Variants in KCNQ3 observed in about 807,000 individuals in gnomAD.
The protein encoded by KCNQ3 is potassium voltage-gated channel subfamily KQT member 3.
KCNQ3 carries 30 observed loss-of-function variants against 92.5 expected under a neutral mutation model. That is an observed-to-expected ratio of 0.32 (90% CI 0.24 to 0.44). The LOEUF is 0.44. KCNQ3 is among the 20% of genes least tolerant of loss of function. The pLI, the probability that KCNQ3 is intolerant of heterozygous loss-of-function variation, is 1.00. For missense variants in KCNQ3, 913 were observed against 1,140.3 expected, an observed-to-expected ratio of 0.80 and a Z score of 2.87; for synonymous variants, 450 against 468.8, an observed-to-expected ratio of 0.96 and a Z score of 0.52.
chr8:132,220,532 T>A (rs1340822484), intron 1 of KCNQ3, among the ~76,000 whole-genome samples: 1 of 152,180 alleles, frequency 6.6e-6, no homozygotes, highest in East Asian at 1.9e-4. Flanking sequence ...GTGGATTGCC[T>A]GAGATCAGGA....
intron 1 of KCNQ3, among the ~76,000 whole-genome samples, chr8:132,269,444 T>C (rs977414250): frequency 1.6e-4 from 25 of 152,260 alleles, no homozygotes; most frequent in African/African-American, 5.8e-4. Flanking sequence ...TCTCTGGTTG[T>C]TTCAGCACCA....
At chr8:132,378,594 C>T (rs979451707) in intron 1 of KCNQ3, among the ~76,000 whole-genome samples, 2 of 152,206 alleles carry the variant, frequency 1.3e-5, no homozygotes, top group Non-Finnish European at 2.9e-5. Context: ...CACTTCCAAA[C>T]CATTCTCTTA....
At chr8:132,240,004 T>C (rs571492140) in intron 1 of KCNQ3, among the ~76,000 whole-genome samples, 1 of 152,282 alleles carries the variant, frequency 6.6e-6, no homozygotes, top group African/African-American at 2.4e-5. Context: ...CTACCTATTT[T>C]ATTACCCTGG....
At chr8:132,369,593 A>G (rs1819417525) in intron 1 of KCNQ3, among the ~76,000 whole-genome samples, 1 of 151,996 alleles carries the variant, frequency 6.6e-6, no homozygotes, top group South Asian at 2.1e-4. Context: ...ACACACACAC[A>G]CACACACACA....
intron 1 of KCNQ3, among the ~76,000 whole-genome samples, chr8:132,477,264 G>A (rs895403377): frequency 1.1e-4 from 16 of 151,878 alleles, no homozygotes; most frequent in Admixed American, 9.2e-4. Context: ...CAAGGTAAGG[G>A]TTTGATTGAT....
At chr8:132,458,054 G>A (rs1661631539) in intron 1 of KCNQ3, among the ~76,000 whole-genome samples, 1 of 152,070 alleles carries the variant, frequency 6.6e-6, no homozygotes, top group South Asian at 2.1e-4. Flanking sequence ...CCTCCTTATG[G>A]CAAACCCTCC....
intron 1 of KCNQ3, among the ~76,000 whole-genome samples, chr8:132,459,729 T>C (rs1822020257): frequency 6.6e-6 from 1 of 151,240 alleles, no homozygotes; most frequent in South Asian, 2.1e-4. Flanking sequence ...AAAGTTTTCT[T>C]TTTCTTGTTT....
intron 1 of KCNQ3, among the ~76,000 whole-genome samples, chr8:132,232,871 G>C (rs1440507224): frequency 6.6e-6 from 1 of 152,170 alleles, no homozygotes; most frequent in Non-Finnish European, 1.5e-5. Context: ...TCATAAAAAG[G>C]TCTCCATATC....
intron 1 of KCNQ3, among the ~76,000 whole-genome samples, chr8:132,304,971 A>C (rs1817372545): frequency 6.6e-6 from 1 of 152,136 alleles, no homozygotes; most frequent in South Asian, 2.1e-4. Flanking sequence ...GGAAGGGAGA[A>C]AGGCAGGCAG....
intron 1 of KCNQ3, 130 bp downstream of exon 1, chr8:132,480,017 G>C (rs189924566): frequency 6.1e-6 from 5 of 815,576 alleles, no homozygotes; most frequent in Non-Finnish European, 9.6e-6. Context: ...TGCTGAGGAC[G>C]GGCTGGTCTC....
rs761102826 is a variant in KCNQ3, at chr8:132,186,204, A to G, written c.387-23T>C. The G allele has an allele frequency of 1.9e-6, 3 of 1,564,262 alleles. No individual in the cohort carries two copies. In the Admixed American group the frequency reaches 5.0e-5, roughly 26 times the overall value. On this transcript the variant is annotated intron_variant, in intron 1 of 14. Coordinates refer to ENST00000388996, the MANE Select transcript of KCNQ3 (RefSeq NM_004519.4). The stretch of plus-strand genomic sequence containing the variant: ...AACCTAGAGGGGAAGAAAGAAATGG[A>G]CTAAGGAACCTTTGAGTCATGGCTT...
intron 1 of KCNQ3, among the ~76,000 whole-genome samples, chr8:132,379,235 CA>C (rs1563886460): frequency 6.6e-6 from 1 of 152,186 alleles, no homozygotes; most frequent in Non-Finnish European, 1.5e-5. Flanking sequence ...AGTACTTTAT[CA>C]GGCACATTAC....
chr8:132,177,148 A>C (rs375423495), intron 4 of KCNQ3, among the ~76,000 whole-genome samples: 1 of 152,220 alleles, frequency 6.6e-6, no homozygotes, highest in Admixed American at 6.5e-5. Flanking sequence ...TTCATCTGGC[A>C]CTTAACCAAA....
At chr8:132,424,269 C>T (rs748775449) in intron 1 of KCNQ3, among the ~76,000 whole-genome samples, 7 of 152,052 alleles carry the variant, frequency 4.6e-5, no homozygotes, top group Non-Finnish European at 8.8e-5. Context: ...CCCACCCCAG[C>T]CCTTCCTCCC....
intron 1 of KCNQ3, among the ~76,000 whole-genome samples, chr8:132,231,263 A>C (rs1814637827): frequency 6.6e-6 from 1 of 152,212 alleles, no homozygotes; most frequent in African/African-American, 2.4e-5. Context: ...TGCTGTTTTA[A>C]GCCACTCAGT....
At chr8:132,304,292 A>G (rs1278579186) in intron 1 of KCNQ3, among the ~76,000 whole-genome samples, 4 of 152,184 alleles carry the variant, frequency 2.6e-5, no homozygotes, top group African/African-American at 9.7e-5. Context: ...TACCCCCTAA[A>G]TCTACAGAAA....
At chr8:132,161,258 C>A (rs1405274970) in intron 9 of KCNQ3, among the ~76,000 whole-genome samples, 2 of 152,160 alleles carry the variant, frequency 1.3e-5, no homozygotes, top group Non-Finnish European at 2.9e-5. Flanking sequence ...ATCAGCCTGA[C>A]AAATAAACAA....
At chr8:132,231,342 C>T (rs10090173) in intron 1 of KCNQ3, among the ~76,000 whole-genome samples, 75,459 of 152,026 alleles carry the variant, frequency 0.5, 19,175 homozygotes, top group African/African-American at 0.62. Context: ...TTCACAGATG[C>T]CTTTCTAGCT....
chr8:132,300,208 G>A (rs1303474524), intron 1 of KCNQ3, among the ~76,000 whole-genome samples: 1 of 152,188 alleles, frequency 6.6e-6, no homozygotes, highest in Non-Finnish European at 1.5e-5. Flanking sequence ...AATGGACCAT[G>A]GATCATTCTG....
Sources: gnomAD v4.1 joint callset for allele counts (sites outside exome capture counted in the v4.1 genomes callset) on GRCh38, gnomAD v4.1.1 for gene constraint, MANE v1.5 for transcripts, NCBI Gene and HGNC (gene_info 2026-07-23, HGNC 2026-07-21) for gene names.